Variants in FTO observed in about 807,000 individuals in gnomAD.
FTO encodes the protein alpha-ketoglutarate-dependent dioxygenase FTO.
In FTO, 47 loss-of-function variants were observed where a neutral mutation model predicts 63.9. The observed-to-expected ratio is 0.74, with a 90% confidence interval of 0.58 to 0.94. FTO has a LOEUF of 0.94. FTO is among the 40% of genes least tolerant of loss of function. The pLI, the probability that FTO is intolerant of heterozygous loss-of-function variation, is 0.00. For synonymous variants in FTO, 207 were observed against 224.4 expected (o/e 0.92, Z 0.69); for missense variants, 562 against 618.1 (o/e 0.91, Z 0.96).
intron 1 of FTO, among the ~76,000 whole-genome samples, chr16:53,767,766 G>A (rs1340380490): frequency 6.6e-6 from 1 of 152,088 alleles, no homozygotes; most frequent in Non-Finnish European, 1.5e-5. Flanking sequence ...GATATCTTCA[G>A]TCAAATTTAA....
Position 53,779,545 on chromosome 16 carries a change from C to T in FTO, c.46-30595C>T, listed in dbSNP as rs753038245. ...ACTCCCAATTTACTCTAAACTTCTA[C>T]GGGCTTCCTTGGAGAAACTGGGGCA... On this transcript the variant is annotated intron_variant, in intron 1 of 8. Coordinates refer to ENST00000471389, the MANE Select transcript of FTO (RefSeq NM_001080432.3). 7.9e-5 allele frequency among the ~76,000 whole-genome samples: 12 copies of T among 152,154 alleles called. 1 individual carries two copies. The South Asian group carries it at 1.0e-3, about 13-fold the overall frequency.
chr16:53,847,575 C>T (rs956876469), intron 4 of FTO, among the ~76,000 whole-genome samples: 29 of 152,126 alleles, frequency 1.9e-4, no homozygotes, highest in African/African-American at 5.5e-4. Flanking sequence ...TGAGACCAGC[C>T]TGGCCAACAT....
At chr16:53,810,342 ACTTC>A in intron 2 of FTO, 125 bp downstream of exon 2, 1 of 712,190 alleles carries the variant, frequency 1.4e-6, no homozygotes, top group Non-Finnish European at 2.6e-6. Context: ...ATCACCCATG[ACTTC>A]TCATGGCCTA....
intron 3 of FTO, among the ~76,000 whole-genome samples, chr16:53,827,189 C>CT (rs11448349): frequency 0.38 from 57,785 of 151,858 alleles, 11,252 homozygotes; most frequent in African/African-American, 0.45. Flanking sequence ...CCCCTTGAAA[C>CT]AGATCGTAGG....
intron 2 of FTO, among the ~76,000 whole-genome samples, chr16:53,822,779 C>G (rs563635249): frequency 1.3e-5 from 2 of 152,244 alleles, no homozygotes; most frequent in East Asian, 3.9e-4. Context: ...AGTTCTACCT[C>G]TCCCCTGTGC....
chr16:54,017,968 T>C (rs1664106086), intron 8 of FTO, among the ~76,000 whole-genome samples: 1 of 151,934 alleles, frequency 6.6e-6, no homozygotes, highest in African/African-American at 2.4e-5. Context: ...CACCCCCTGG[T>C]CCCCCACCAT....
intron 4 of FTO, among the ~76,000 whole-genome samples, chr16:53,845,907 C>T (rs1475019341): frequency 6.6e-6 from 1 of 152,148 alleles, no homozygotes; most frequent in African/African-American, 2.4e-5. Context: ...AAATTCTTCT[C>T]ATGGGGAGAT....
chr16:53,853,826 A>G (rs12597422), intron 4 of FTO, among the ~76,000 whole-genome samples: 47,205 of 151,934 alleles, frequency 0.31, 8,708 homozygotes, highest in East Asian at 0.64. Context: ...CTTCTTTTTC[A>G]GGTAGATACC....
chr16:53,790,885 A>G (rs569129077), intron 1 of FTO, among the ~76,000 whole-genome samples: 13 of 152,312 alleles, frequency 8.5e-5, no homozygotes, highest in Non-Finnish European at 1.6e-4. Context: ...CTCTTTAGGA[A>G]GTTTAGTAGA....
intron 1 of FTO, among the ~76,000 whole-genome samples, chr16:53,722,627 G>C (rs1189012001): frequency 6.6e-6 from 1 of 152,046 alleles, no homozygotes; most frequent in Admixed American, 6.6e-5. Context: ...ATGAGTTTGA[G>C]ACCAGCCTGG....
intron 8 of FTO, among the ~76,000 whole-genome samples, chr16:53,964,507 A>G (rs1469340827): frequency 6.6e-6 from 1 of 152,188 alleles, no homozygotes; most frequent in Non-Finnish European, 1.5e-5. Context: ...TCTCAGCAGA[A>G]CTTGAAACCA....
rs2078519182 is a variant in FTO at position 53,811,447 on chromosome 16, T to A, written c.123+1230T>A. ...ATCTAGAATCCAGGTCAATATGATT[T>A]CTGTGACTTCTAGCTCAATATTATT... is the stretch of plus-strand genomic sequence containing the variant. On this transcript the variant is annotated intron_variant, in intron 2 of 8. Transcript: ENST00000471389. 2.6e-5 allele frequency among the ~76,000 whole-genome samples: 4 copies of A among 152,156 alleles called. No homozygotes were observed. The South Asian group carries it at 8.3e-4, about 31-fold the overall frequency.
chr16:53,935,454 A>T (rs1306598880), intron 8 of FTO: 2 of 152,240 alleles, frequency 1.3e-5, no homozygotes, highest in Non-Finnish European at 2.9e-5. Context: ...CTTTAAATTC[A>T]GACTTGTATT....
chr16:53,969,533 T>C (rs1156256303), intron 8 of FTO, among the ~76,000 whole-genome samples: 5 of 152,198 alleles, frequency 3.3e-5, no homozygotes, highest in African/African-American at 1.2e-4. Flanking sequence ...GAACATAATA[T>C]ATACTGTCAT....
At chr16:53,892,403 T>C (rs1477751113) in intron 7 of FTO, among the ~76,000 whole-genome samples, 1 of 152,146 alleles carries the variant, frequency 6.6e-6, no homozygotes, top group East Asian at 1.9e-4. Flanking sequence ...GCACAGGATA[T>C]CAGTTGTGGG....
intron 1 of FTO, among the ~76,000 whole-genome samples, chr16:53,781,523 T>C (rs17817497): frequency 0.3 from 45,249 of 152,104 alleles, 8,243 homozygotes; most frequent in Non-Finnish European, 0.41. Context: ...CTTGGAGATG[T>C]GTAGGGTAGT....
intron 3 of FTO, among the ~76,000 whole-genome samples, chr16:53,832,825 T>G (rs2079179951): frequency 6.6e-6 from 1 of 152,152 alleles, no homozygotes; most frequent in African/African-American, 2.4e-5. Flanking sequence ...CTGTACCCAT[T>G]TAAACAATTA....
At chr16:53,797,447 C>T (rs1018717339) in intron 1 of FTO, among the ~76,000 whole-genome samples, 7 of 152,172 alleles carry the variant, frequency 4.6e-5, no homozygotes, top group African/African-American at 1.7e-4. Context: ...CGTCACTCAG[C>T]ATTGTGATTT....
intron 3 of FTO, among the ~76,000 whole-genome samples, chr16:53,842,821 G>A (rs779290487): frequency 3.9e-5 from 6 of 151,982 alleles, no homozygotes; most frequent in Non-Finnish European, 8.8e-5. Context: ...CCACAGGCAC[G>A]TGCCACCATG....
Sources: gnomAD v4.1 joint callset for allele counts (sites outside exome capture counted in the v4.1 genomes callset) on GRCh38, gnomAD v4.1.1 for gene constraint, MANE v1.5 for transcripts, NCBI Gene and HGNC (gene_info 2026-07-23, HGNC 2026-07-21) for gene names.